The following FNIP2 variants were observed in gnomAD, a reference collection of about 807,000 sequenced individuals.
FNIP2 encodes folliculin-interacting protein 2.
A neutral mutation model predicts 108.7 loss-of-function variants in FNIP2; 32 were observed. The observed-to-expected ratio is 0.29, with a 90% confidence interval of 0.22 to 0.40. FNIP2 has a LOEUF of 0.40. Ranked by LOEUF, FNIP2 falls within the 10% of genes least tolerant of loss-of-function variation. The pLI, the probability that FNIP2 is intolerant of heterozygous loss-of-function variation, is 1.00. For synonymous variants in FNIP2, 480 were observed against 496.7 expected (o/e 0.97, Z 0.45); for missense variants, 1,202 against 1,381.6 (o/e 0.87, Z 2.06).
intron 12 of FNIP2, 46 bp downstream of exon 12, chr4:158,861,822 G>T (rs984016701): frequency 3.1e-6 from 5 of 1,591,360 alleles, no homozygotes; most frequent in Non-Finnish European, 4.3e-6. Context: ...GGATGGAATA[G>T]GAAAAAAATG....
chr4:158,864,392 G>A (rs964891591), intron 12 of FNIP2, among the ~76,000 whole-genome samples: 1 of 152,126 alleles, frequency 6.6e-6, no homozygotes, highest in Non-Finnish European at 1.5e-5. Context: ...GAAAACATTT[G>A]AAATAATGAT....
chr4:158,825,005 A>T (rs749264114), intron 1 of FNIP2, among the ~76,000 whole-genome samples: 4 of 152,168 alleles, frequency 2.6e-5, no homozygotes, highest in Non-Finnish European at 5.9e-5. Flanking sequence ...GTAGTGATAC[A>T]TTCGTCTGTG....
chr4:158,813,462 A>G (rs1186638525), intron 1 of FNIP2, among the ~76,000 whole-genome samples: 1 of 152,086 alleles, frequency 6.6e-6, no homozygotes, highest in Non-Finnish European at 1.5e-5. Context: ...TCATATGCTT[A>G]TTTGCCATTT....
chr4:158,885,064 G>A (rs967067631), intron 14 of FNIP2, among the ~76,000 whole-genome samples: 1 of 151,970 alleles, frequency 6.6e-6, no homozygotes, highest in Non-Finnish European at 1.5e-5. Flanking sequence ...GCTGAGGCAC[G>A]AGAATCACTT....
intron 7 of FNIP2, among the ~76,000 whole-genome samples, chr4:158,842,340 G>T (rs1359548271): frequency 6.6e-6 from 1 of 152,180 alleles, no homozygotes; most frequent in East Asian, 1.9e-4. Flanking sequence ...TATATTAAAA[G>T]AAGACCTAAA....
chr4:158,896,658 G>T (rs1232820751), intron 16 of FNIP2, among the ~76,000 whole-genome samples: 2 of 152,016 alleles, frequency 1.3e-5, no homozygotes, highest in Non-Finnish European at 2.9e-5. Flanking sequence ...TGTGACGCCT[G>T]TGTTGTTCGG....
chr4:158,888,137 G>GTTCTTCCTTTAAAAGGTGTTTA (rs1280015178), intron 14 of FNIP2, among the ~76,000 whole-genome samples: 6 of 152,186 alleles, frequency 3.9e-5, no homozygotes, highest in Non-Finnish European at 8.8e-5. Flanking sequence ...CCTCTAGTTT[G>GTTCTTCCTTTAAAAGGTGTTTA]TTCTTCCTTT....
At chr4:158,788,348 A>G (rs73858556) in intron 1 of FNIP2, among the ~76,000 whole-genome samples, 1,777 of 152,358 alleles carry the variant, frequency 0.012, 24 homozygotes, top group African/African-American at 0.037. Flanking sequence ...GACCATGCCG[A>G]ATCTGTATTC....
rs1176733752 is a variant in FNIP2 at position 158,868,237 on chromosome 4, A to G, written c.1601A>G (p.Gln534Arg). The change falls in exon 13 of 17, where the codon CAG becomes CGG. Residue 534 changes from glutamine (Q) to arginine (R), a missense_variant. Physicochemically the swap from Gln to Arg is conservative, Grantham distance 43. Transcript: ENST00000264433. The surrounding 1 kb of genome is among the most constrained non-coding windows in gnomAD (Gnocchi z 4.6). ...CGTTGCTCTGAGCTACAAGAGAACC[A>G]GCTGACCTGGAGTGGCAATCATGGT... ...FLRCSELQEN[Q>R]LTWSGNHGEG... 1.2e-6 allele frequency: 2 copies of G among 1,613,972 alleles called. No individual in the cohort carries two copies. Among genetic ancestry groups the G allele is most frequent in the Non-Finnish European group, 1.7e-6 (2 of 1,179,910 alleles).
intron 1 of FNIP2, among the ~76,000 whole-genome samples, chr4:158,781,586 C>T (rs1776049033): frequency 6.6e-6 from 1 of 152,136 alleles, no homozygotes; most frequent in African/African-American, 2.4e-5. Flanking sequence ...GCGATCTTGG[C>T]TCACAGCAAC....
intron 7 of FNIP2, 112 bp from the exon 8 acceptor site, chr4:158,851,209 A>G (rs900314704): frequency 1.6e-6 from 2 of 1,258,336 alleles, no homozygotes; most frequent in African/African-American, 1.5e-5. Flanking sequence ...GATATTAAAT[A>G]CATAATAAAT....
At chr4:158,857,157 T>C (rs183021621) in intron 8 of FNIP2, among the ~76,000 whole-genome samples, 1 of 152,344 alleles carries the variant, frequency 6.6e-6, no homozygotes, top group Admixed American at 6.5e-5. Context: ...GTGTTTATTA[T>C]AATTTGATTA....
intron 7 of FNIP2, among the ~76,000 whole-genome samples, chr4:158,838,860 G>C (rs1178181807): frequency 1.3e-5 from 2 of 152,072 alleles, no homozygotes; most frequent in Non-Finnish European, 2.9e-5. Flanking sequence ...TGGTTTCTCA[G>C]ATTTTCTTTG....
intron 12 of FNIP2, among the ~76,000 whole-genome samples, chr4:158,867,674 A>T (rs143682384): frequency 1.3e-5 from 2 of 152,358 alleles, no homozygotes; most frequent in African/African-American, 4.8e-5. Flanking sequence ...AAATTCCTAA[A>T]TTTGGATTTT....
intron 1 of FNIP2, among the ~76,000 whole-genome samples, chr4:158,822,228 A>G (rs1330065016): frequency 7.1e-6 from 1 of 141,210 alleles, no homozygotes; most frequent in Non-Finnish European, 1.5e-5. Flanking sequence ...CCCAGGCTGC[A>G]ATGCAGTGAT....
intron 8 of FNIP2, among the ~76,000 whole-genome samples, 172 bp from the exon 9 acceptor site, chr4:158,858,885 C>T (rs1327475208): frequency 6.6e-6 from 1 of 152,156 alleles, no homozygotes; most frequent in Non-Finnish European, 1.5e-5. Flanking sequence ...GTGTGGCAGG[C>T]AAGCTGATGT....
intron 14 of FNIP2, among the ~76,000 whole-genome samples, chr4:158,874,149 A>G (rs1781119877): frequency 6.6e-6 from 1 of 152,226 alleles, no homozygotes; most frequent in South Asian, 2.1e-4. Flanking sequence ...GCCCCAGAAA[A>G]ATGTATTTAG....
At chr4:158,869,577 A>G (rs1045052164) in intron 13 of FNIP2, 149 bp downstream of exon 13, 9 of 1,212,258 alleles carry the variant, frequency 7.4e-6, no homozygotes, top group Non-Finnish European at 7.8e-6. Flanking sequence ...TATTAATTCT[A>G]TACAAACGGT....
chr4:158,808,102 AAAC>A (rs1253184812), intron 1 of FNIP2, among the ~76,000 whole-genome samples: 1 of 152,134 alleles, frequency 6.6e-6, no homozygotes, highest in Non-Finnish European at 1.5e-5. Context: ...CTCAACTGTT[AAAC>A]TATGTAATTG....
Sources: gnomAD v4.1 joint callset for allele counts (sites outside exome capture counted in the v4.1 genomes callset) on GRCh38, gnomAD v4.1.1 for gene constraint, Gnocchi (gnomAD v3.1) non-coding constraint, MANE v1.5 for transcripts, NCBI Gene and HGNC (gene_info 2026-07-23, HGNC 2026-07-21) for gene names.